SOX5: variants seen among roughly 807,000 people sequenced by gnomAD.
The protein encoded by SOX5 is transcription factor SOX-5.
A neutral mutation model predicts 92.0 loss-of-function variants in SOX5; 9 were observed. The observed-to-expected ratio is 0.10, with a 90% CI of 0.06 to 0.17. The LOEUF is 0.17. Ranked by LOEUF, SOX5 falls within the 10% of genes least tolerant of loss-of-function variation. SOX5 has a pLI of 1.00. For missense variants in SOX5, 642 were observed against 944.5 expected (o/e 0.68, Z 4.20); for synonymous variants, 344 against 336.3 (o/e 1.02, Z -0.25).
intron 1 of SOX5, among the ~76,000 whole-genome samples, chr12:24,541,618 T>C (rs146082806): frequency 1.8e-4 from 27 of 152,352 alleles, no homozygotes; most frequent in Non-Finnish European, 3.2e-4. Context: ...GAAGGATGTT[T>C]CATGGTTAAT....
intron 4 of SOX5, among the ~76,000 whole-genome samples, chr12:23,970,841 A>ATATATATATTTTTTTTTT: frequency 1.4e-4 from 3 of 21,884 alleles, no homozygotes; most frequent in Admixed American, 7.7e-4. Flanking sequence ...TATATATATA[A>ATATATATATTTTTTTTTT]TTTTTTTTTT....
At chr12:23,951,382 G>T (rs1350045088), upstream of SOX5, among the ~76,000 whole-genome samples, 1 of 151,138 alleles carries the variant, frequency 6.6e-6, no homozygotes, top group East Asian at 1.9e-4. Flanking sequence ...TTTGCAGCTG[G>T]ACAACATTAA....
chr12:24,303,386 T>C (rs1948212352), intron 2 of SOX5, among the ~76,000 whole-genome samples: 1 of 152,192 alleles, frequency 6.6e-6, no homozygotes, highest in Non-Finnish European at 1.5e-5. Flanking sequence ...AAAGTACTTT[T>C]ATTTGACCAC....
At chr12:23,798,143 T>C (rs2095598326) in intron 3 of SOX5, among the ~76,000 whole-genome samples, 1 of 151,962 alleles carries the variant, frequency 6.6e-6, no homozygotes, top group South Asian at 2.1e-4. Context: ...AAACTATATA[T>C]TTTACCTATT....
intron 3 of SOX5, among the ~76,000 whole-genome samples, chr12:23,842,643 C>T (rs900384496): frequency 5.9e-5 from 9 of 152,066 alleles, no homozygotes; most frequent in Non-Finnish European, 1.0e-4. Context: ...CTTACAGAGT[C>T]AGAAAGAAAA....
chr12:23,826,699 T>TA (rs34746862), intron 3 of SOX5, among the ~76,000 whole-genome samples: 13 of 149,840 alleles, frequency 8.7e-5, no homozygotes, highest in African/African-American at 1.5e-4. Context: ...AATTAGGGCT[T>TA]AAAAAAAAAA....
At chr12:23,913,659 C>T (rs1166718987) in intron 1 of SOX5, among the ~76,000 whole-genome samples, 4 of 151,292 alleles carry the variant, frequency 2.6e-5, no homozygotes, top group Non-Finnish European at 4.4e-5. Flanking sequence ...TCTCTTGAAA[C>T]CAGAAGGTGG....
At chr12:24,556,780 A>G (rs1327887705) in intron 1 of SOX5, among the ~76,000 whole-genome samples, 1 of 152,206 alleles carries the variant, frequency 6.6e-6, no homozygotes. Context: ...CACCAAATAC[A>G]GCACCTTAAT....
At chr12:23,694,065 T>A (rs1446700734) in intron 6 of SOX5, among the ~76,000 whole-genome samples, 2 of 152,302 alleles carry the variant, frequency 1.3e-5, no homozygotes, top group Non-Finnish European at 1.5e-5. Context: ...GGCTAATAGT[T>A]ACTTTTTCTT....
intron 8 of SOX5, among the ~76,000 whole-genome samples, chr12:23,608,717 G>T (rs1178478889): frequency 6.6e-6 from 1 of 152,146 alleles, no homozygotes; most frequent in East Asian, 1.9e-4. Context: ...AAATGAAATT[G>T]ACCTTATAAA....
chr12:23,746,493 C>T (rs1249402881), intron 4 of SOX5, among the ~76,000 whole-genome samples: 1 of 152,082 alleles, frequency 6.6e-6, no homozygotes, highest in African/African-American at 2.4e-5. Context: ...AATTTATTTT[C>T]ATGTTTCAGT....
At chr12:23,647,134 G>A (rs1212029314) in intron 7 of SOX5, among the ~76,000 whole-genome samples, 2 of 152,206 alleles carry the variant, frequency 1.3e-5, no homozygotes, top group Non-Finnish European at 2.9e-5. Context: ...CTCGTTGGCT[G>A]TAGAACAAAT....
chr12:24,529,204 T>C lies in SOX5; in HGVS notation c.-251+33125A>G, dbSNP rs1051156843. Reference sequence around the variant, plus strand: ...CTACACAGAAAATAGAAACAAACAATGAATATGGAGAGAATAAAAGACTCT... The same window carrying C: ...CTACACAGAAAATAGAAACAAACAACGAATATGGAGAGAATAAAAGACTCT... On this transcript the variant is annotated intron_variant, in intron 1 of 4. Transcript: ENST00000446891. Among the ~76,000 whole-genome samples the C allele has an allele frequency of 2.6e-5, 4 of 152,128 alleles. No individual in the cohort carries two copies. The East Asian group carries it at 5.8e-4, about 22-fold the overall frequency.
At chr12:24,108,262 C>G (rs1047942458) in intron 4 of SOX5, among the ~76,000 whole-genome samples, 2 of 152,134 alleles carry the variant, frequency 1.3e-5, no homozygotes, top group African/African-American at 4.8e-5. Flanking sequence ...ATCTATTTCA[C>G]TTACATAAAT....
chr12:24,151,573 TTTTTG>T (rs1162501868), intron 4 of SOX5, among the ~76,000 whole-genome samples: 8 of 152,168 alleles, frequency 5.3e-5, no homozygotes, highest in Non-Finnish European at 7.4e-5. Flanking sequence ...GTGAGGTTTT[TTTTTG>T]TTTTGTTTTG....
chr12:24,496,881 T>C (rs1016057203), intron 1 of SOX5, among the ~76,000 whole-genome samples: 2 of 152,178 alleles, frequency 1.3e-5, no homozygotes, highest in African/African-American at 2.4e-5. Flanking sequence ...AATATACAAG[T>C]TCTACTGGCT....
chr12:24,056,454 T>C (rs893183077), intron 4 of SOX5, among the ~76,000 whole-genome samples: 1 of 152,218 alleles, frequency 6.6e-6, no homozygotes, highest in Non-Finnish European at 1.5e-5. Context: ...TGCTTAAAAT[T>C]ACAAAATTAA....
chr12:24,171,954 G>C (rs1323166702), intron 4 of SOX5, among the ~76,000 whole-genome samples: 1 of 152,056 alleles, frequency 6.6e-6, no homozygotes. Flanking sequence ...AGTTTATGAG[G>C]TTTTCTACAG....
At chr12:23,761,617 CA>C (rs2094565795) in intron 3 of SOX5, among the ~76,000 whole-genome samples, 1 of 152,124 alleles carries the variant, frequency 6.6e-6, no homozygotes, top group Admixed American at 6.6e-5. Context: ...GCAGAACTTG[CA>C]GTCCAATTTC....
Sources: gnomAD v4.1 joint callset for allele counts (sites outside exome capture counted in the v4.1 genomes callset) on GRCh38, gnomAD v4.1.1 for gene constraint, MANE v1.5 for transcripts, NCBI Gene and HGNC (gene_info 2026-07-23, HGNC 2026-07-21) for gene names.